LUZP2: variants seen among roughly 807,000 people sequenced by gnomAD.
LUZP2 encodes leucine zipper protein 2.
Under a neutral mutation model 51.6 loss-of-function variants are expected in LUZP2, and 52 were observed. The ratio of observed to expected loss-of-function variants is 1.01; its 90% CI spans 0.81 to 1.27. The LOEUF is 1.27. LUZP2 is among the 50% of genes most tolerant of loss of function. The pLI, the probability that LUZP2 is intolerant of heterozygous loss-of-function variation, is 0.00. For missense variants in LUZP2, 436 were observed against 395.4 expected (o/e 1.10, Z -0.87); for synonymous variants, 154 against 137.3 (o/e 1.12, Z -0.85).
chr11:24,520,423 A>G (rs748388399), intron 1 of LUZP2, among the ~76,000 whole-genome samples: 1 of 152,178 alleles, frequency 6.6e-6, no homozygotes, highest in Non-Finnish European at 1.5e-5. Context: ...CAGAAACCAG[A>G]TGTGATTTCT....
intron 7 of LUZP2, among the ~76,000 whole-genome samples, chr11:24,926,573 A>G (rs976699847): frequency 2.0e-5 from 3 of 146,500 alleles, no homozygotes; most frequent in Non-Finnish European, 4.5e-5. Flanking sequence ...GTATATATAT[A>G]CGTGTATATA....
At chr11:24,864,676 A>G (rs896611282) in intron 5 of LUZP2, among the ~76,000 whole-genome samples, 1 of 152,202 alleles carries the variant, frequency 6.6e-6, no homozygotes, top group Non-Finnish European at 1.5e-5. Context: ...CATTATGAAT[A>G]AAGTCTGGAG....
chr11:24,542,814 T>A (rs571368748), intron 1 of LUZP2, among the ~76,000 whole-genome samples: 1 of 152,160 alleles, frequency 6.6e-6, no homozygotes, highest in East Asian at 1.9e-4. Context: ...AAGACTACAT[T>A]TATGTATCAG....
intron 1 of LUZP2, among the ~76,000 whole-genome samples, chr11:24,712,206 A>C (rs1043643342): frequency 1.3e-5 from 2 of 152,104 alleles, no homozygotes; most frequent in African/African-American, 4.8e-5. Context: ...AGATCGCTTG[A>C]GCTCAGGAGT....
Position 24,818,423 on chromosome 11 carries a change from A to G in LUZP2, c.396+55115A>G, listed in dbSNP as rs567826302. 2.8e-4 allele frequency among the ~76,000 whole-genome samples: 42 copies of G among 152,208 alleles called. No homozygotes were observed. The South Asian group carries it at 8.5e-3, about 31-fold the overall frequency. Reference sequence around the variant, plus strand: ...AAATTGGCATGGTTCTGGAAACTTGACATGTCACTTACTCTTCTGACATTA... The same window carrying G: ...AAATTGGCATGGTTCTGGAAACTTGGCATGTCACTTACTCTTCTGACATTA... On this transcript the variant is annotated intron_variant, in intron 5 of 11. Coordinates refer to ENST00000336930, the MANE Select transcript of LUZP2 (RefSeq NM_001009909.4).
At position 24,963,358 on chromosome 11, in the gene LUZP2, G is replaced by T. The variant is rs1307126848; in HGVS notation, c.523-13233G>T. 2.5e-4 allele frequency among the ~76,000 whole-genome samples: 38 copies of T among 152,296 alleles called. 1 individual carries two copies. Among genetic ancestry groups the T allele is most frequent in the African/African-American group, 8.9e-4 (37 of 41,576 alleles). ...CTGTCTTTTTGTTTGTCTGTGCCCT[G>T]CCCCCAGAGGTGGAGCCTACAGAGG... On this transcript the variant is annotated intron_variant, in intron 7 of 11. Transcript: ENST00000336930.
intron 1 of LUZP2, among the ~76,000 whole-genome samples, chr11:24,538,962 T>C (rs1851272169): frequency 6.6e-6 from 1 of 151,826 alleles, no homozygotes; most frequent in African/African-American, 2.4e-5. Flanking sequence ...TAATTTTTCA[T>C]TAAAAAATGA....
In LUZP2 at chr11:24,818,698, CA is replaced by C. The variant is rs567496999; in HGVS notation, c.396+55393del. On this transcript the variant is annotated intron_variant, in intron 5 of 11. Coordinates refer to ENST00000336930, the MANE Select transcript of LUZP2 (RefSeq NM_001009909.4). ...ATTATATATCATGCTCTATGTTATG[CA>C]AAGGACATTTCTTCTGCTTATCTAT... 1.6e-4 allele frequency among the ~76,000 whole-genome samples: 24 copies of C among 152,118 alleles called. No homozygotes were observed. The South Asian group carries it at 5.0e-3, about 32-fold the overall frequency.
At chr11:24,811,806 G>C (rs1850031408) in intron 5 of LUZP2, among the ~76,000 whole-genome samples, 1 of 151,990 alleles carries the variant, frequency 6.6e-6, no homozygotes, top group South Asian at 2.1e-4. Flanking sequence ...GATTATATTA[G>C]ATAAGATTAT....
chr11:24,658,965 T>C (rs1279832035), intron 1 of LUZP2, among the ~76,000 whole-genome samples: 2 of 152,336 alleles, frequency 1.3e-5, no homozygotes, highest in African/African-American at 4.8e-5. Flanking sequence ...ACTTTTATAC[T>C]GTTGGTGGGA....
At chr11:24,959,295 G>A (rs948966970) in intron 7 of LUZP2, among the ~76,000 whole-genome samples, 11 of 152,128 alleles carry the variant, frequency 7.2e-5, no homozygotes, top group African/African-American at 7.2e-5. Flanking sequence ...TGTGAAGAAA[G>A]TCATTGGTAG....
At chr11:24,997,725 T>A (rs895195153) in intron 9 of LUZP2, among the ~76,000 whole-genome samples, 2 of 152,070 alleles carry the variant, frequency 1.3e-5, no homozygotes, top group Non-Finnish European at 2.9e-5. Context: ...AATGCCTAGG[T>A]TTTCTTCTAG....
chr11:24,671,825 A>G lies in LUZP2; in HGVS notation c.63-57344A>G, dbSNP rs556466596. 2.6e-5 allele frequency among the ~76,000 whole-genome samples: 4 copies of G among 152,298 alleles called. No individual in the cohort carries two copies. The East Asian group carries it at 5.8e-4, about 22-fold the overall frequency. ...ACTAATGACTATAAAACATAAAGGTAGCCCATGTAATCAATAGGCTAAATG... is the reference window on the plus strand; with the variant it reads ...ACTAATGACTATAAAACATAAAGGTGGCCCATGTAATCAATAGGCTAAATG... On this transcript the variant is annotated intron_variant, in intron 1 of 11. Transcript: ENST00000336930.
At chr11:24,748,541 C>T (rs1477634890) in intron 4 of LUZP2, among the ~76,000 whole-genome samples, 1 of 151,808 alleles carries the variant, frequency 6.6e-6, no homozygotes, top group East Asian at 1.9e-4. Flanking sequence ...CTCCCTGCAA[C>T]CTCCACCACC....
At chr11:24,759,828 A>C (rs1859916760) in intron 4 of LUZP2, among the ~76,000 whole-genome samples, 1 of 152,172 alleles carries the variant, frequency 6.6e-6, no homozygotes, top group Admixed American at 6.5e-5. Flanking sequence ...TAAATCAAAA[A>C]GTATCTGAGA....
At chr11:25,046,047 C>T (rs1449471058) in intron 9 of LUZP2, among the ~76,000 whole-genome samples, 1 of 152,154 alleles carries the variant, frequency 6.6e-6, no homozygotes, top group Admixed American at 6.5e-5. Context: ...ACAAGACACA[C>T]TGCTGAAATT....
intron 1 of LUZP2, among the ~76,000 whole-genome samples, chr11:24,650,036 G>A (rs937912954): frequency 6.7e-6 from 1 of 150,072 alleles, no homozygotes; most frequent in African/African-American, 2.5e-5. Flanking sequence ...TCTTACTTCT[G>A]CTGATCATCC....
intron 1 of LUZP2, among the ~76,000 whole-genome samples, chr11:24,520,405 C>G (rs1259116499): frequency 6.6e-6 from 1 of 152,096 alleles, no homozygotes; most frequent in African/African-American, 2.4e-5. Context: ...TTGAAGGAAC[C>G]CCTTCCACAG....
Position 25,050,395 on chromosome 11 carries a change from C to A in LUZP2, c.858+265C>A, listed in dbSNP as rs548928569. On this transcript the variant is annotated intron_variant, in intron 10 of 11. Transcript: ENST00000336930. Reference sequence around the variant, plus strand: ...CGGCTCACTGCAAGCTCCGCCGCCTCCCGGGTTCACGCCATTCTCCTGCCT... The same window carrying A: ...CGGCTCACTGCAAGCTCCGCCGCCTACCGGGTTCACGCCATTCTCCTGCCT... 4.7e-5 allele frequency among the ~76,000 whole-genome samples: 7 copies of A among 150,004 alleles called. No homozygotes were observed. The East Asian group carries it at 1.4e-3, about 30-fold the overall frequency.
Sources: allele counts gnomAD v4.1 joint callset (sites outside exome capture counted in the v4.1 genomes callset), GRCh38; gene constraint gnomAD v4.1.1; transcripts MANE v1.5; gene names NCBI Gene and HGNC (gene_info 2026-07-23, HGNC 2026-07-21).